Variants in SLC39A10 observed in about 807,000 individuals in gnomAD.
SLC39A10 encodes solute carrier family 39 member 10, also known as zinc transporter ZIP10.
In SLC39A10, 13 loss-of-function variants were observed where a neutral mutation model predicts 65.1. That is an observed-to-expected ratio of 0.20 (90% confidence interval 0.13 to 0.32). SLC39A10 has a LOEUF of 0.32. SLC39A10 is among the 10% of genes least tolerant of loss of function. The pLI is 1.00. For synonymous variants in SLC39A10, 321 were observed against 342.2 expected (o/e 0.94, Z 0.68); for missense variants, 831 against 1,018.4 (o/e 0.82, Z 2.50).
At chr2:195,697,967 G>C (rs968848929) in intron 3 of SLC39A10, among the ~76,000 whole-genome samples, 1 of 152,026 alleles carries the variant, frequency 6.6e-6, no homozygotes, top group Non-Finnish European at 1.5e-5. Flanking sequence ...TATTCTTTTT[G>C]ATGCTATTGT....
At chr2:195,699,019 T>G (rs770502092) in intron 3 of SLC39A10, among the ~76,000 whole-genome samples, 25 of 152,072 alleles carry the variant, frequency 1.6e-4, no homozygotes, top group Admixed American at 1.6e-3. Flanking sequence ...CATGATTTAG[T>G]CTTGGTAGGT....
At chr2:195,654,509 T>G (rs1323094717), upstream of SLC39A10, among the ~76,000 whole-genome samples, 1 of 152,212 alleles carries the variant, frequency 6.6e-6, no homozygotes, top group Non-Finnish European at 1.5e-5. Context: ...ATTTTAGATA[T>G]GTGAACTAAT....
chr2:195,712,308 C>T (rs537997730), intron 5 of SLC39A10, among the ~76,000 whole-genome samples: 5 of 152,288 alleles, frequency 3.3e-5, no homozygotes, highest in Admixed American at 3.3e-4. Context: ...TTCTATTGAT[C>T]AAAACAAGTC....
chr2:195,624,798 G>T (rs569097309), intron 2 of SLC39A10, among the ~76,000 whole-genome samples: 81 of 144,624 alleles, frequency 5.6e-4, no homozygotes, highest in Non-Finnish European at 7.4e-5. Flanking sequence ...AGAATCACTT[G>T]AACCCAGAAG....
At position 195,680,851 on chromosome 2, in the gene SLC39A10, A is replaced by T. The variant is rs1690279125; in HGVS notation, c.809A>T (p.Asp270Val). 1.2e-6 allele frequency: 2 copies of T among 1,614,184 alleles called. No homozygotes were observed. Among genetic ancestry groups the T allele is most frequent in the Non-Finnish European group, 1.7e-6 (2 of 1,180,034 alleles). The change falls in exon 2 of 10, where the codon GAT becomes GTT. Residue 270 changes from aspartate to valine, a missense_variant. By Grantham distance (152) the Asp-to-Val change is radical. This residue lies in a region of SLC39A10 where 446 missense variants were observed against 499.2 expected (regional missense o/e 0.89). Coordinates refer to ENST00000359634, the MANE Select transcript of SLC39A10 (RefSeq NM_020342.3). The part of the protein sequence containing the change: ...QYEHNRVHKP[D>V]RVHNPGHSHV... ...GAGCATAATCGGGTCCACAAACCTG[A>T]TCGTGTACATAACCCAGGTCATTCT...
intron 7 of SLC39A10, 50 bp downstream of exon 7, chr2:195,717,055 T>C: frequency 6.4e-7 from 1 of 1,556,930 alleles, no homozygotes; most frequent in South Asian, 1.2e-5. Flanking sequence ...GACTATAATA[T>C]GTATGATTAA....
chr2:195,659,223 C>G (rs1324445238), intron 1 of SLC39A10, among the ~76,000 whole-genome samples: 1 of 152,152 alleles, frequency 6.6e-6, no homozygotes, highest in East Asian at 1.9e-4. Flanking sequence ...GCAAGAATGA[C>G]TTTGGTGCTA....
intron 2 of SLC39A10, among the ~76,000 whole-genome samples, chr2:195,627,226 A>T (rs985865815): frequency 9.9e-5 from 15 of 152,158 alleles, no homozygotes; most frequent in Non-Finnish European, 2.2e-4. Context: ...AAACATTTTG[A>T]AACAGTAGTT....
At chr2:195,668,675 G>A (rs1689730282) in intron 1 of SLC39A10, among the ~76,000 whole-genome samples, 1 of 152,216 alleles carries the variant, frequency 6.6e-6, no homozygotes, top group African/African-American at 2.4e-5. Context: ...ACTCCCTAGA[G>A]TAAAAAGAGG....
At chr2:195,706,895 T>C in intron 4 of SLC39A10, 110 bp downstream of exon 4, 1 of 721,062 alleles carries the variant, frequency 1.4e-6, no homozygotes. Flanking sequence ...TATTGTTTTA[T>C]TTGCTTATAG....
intron 8 of SLC39A10, among the ~76,000 whole-genome samples, chr2:195,725,339 T>C (rs1692197041): frequency 6.6e-6 from 1 of 152,070 alleles, no homozygotes. Flanking sequence ...AGCCACAAAC[T>C]GGGACAAAAT....
chr2:195,725,080 T>TA (rs201685220), intron 8 of SLC39A10, among the ~76,000 whole-genome samples: 2,746 of 149,968 alleles, frequency 0.018, 79 homozygotes, highest in African/African-American at 0.064. Context: ...TACATGCAAT[T>TA]AAAAAAAAAG....
intron 3 of SLC39A10, among the ~76,000 whole-genome samples, chr2:195,698,499 C>A (rs1691059797): frequency 6.6e-6 from 1 of 151,750 alleles, no homozygotes; most frequent in Admixed American, 6.6e-5. Flanking sequence ...TCTGTCTGTT[C>A]CTAGTTTGTT....
chr2:195,694,704 C>T (rs188260196), intron 3 of SLC39A10, among the ~76,000 whole-genome samples: 106 of 152,244 alleles, frequency 7.0e-4, no homozygotes, highest in Non-Finnish European at 1.1e-3. Context: ...TTTTGTTTGG[C>T]GCTCTGGTTT....
chr2:195,718,241 A>G lies in SLC39A10; in HGVS notation c.2066-11A>G, dbSNP rs375462139. On this transcript the variant is annotated splice_polypyrimidine_tract_variant and intron_variant, in intron 7 of 9. Transcript: ENST00000359634. ...GCAAACCTCACTTGTTTTTTTTCTT[A>G]TCTTCCTCAGGTGCAGCTTTCAGTG... is the stretch of plus-strand genomic sequence containing the variant. 66 of 1,599,848 alleles carry G rather than the reference A, an allele frequency of 4.1e-5. No individual in the cohort carries two copies. The African/African-American group carries it at 7.9e-4, about 19-fold the overall frequency.
At chr2:195,633,813 T>C (rs1258490619) in intron 2 of SLC39A10, among the ~76,000 whole-genome samples, 2 of 152,006 alleles carry the variant, frequency 1.3e-5, no homozygotes, top group Non-Finnish European at 2.9e-5. Context: ...CTCCTCTTGA[T>C]GTTTAGCTGC....
chr2:195,704,235 A>G (rs1691308441), intron 3 of SLC39A10, among the ~76,000 whole-genome samples: 1 of 152,170 alleles, frequency 6.6e-6, no homozygotes, highest in African/African-American at 2.4e-5. Flanking sequence ...CAAGTTCTTA[A>G]TTGAAGTTGC....
intron 9 of SLC39A10, among the ~76,000 whole-genome samples, chr2:195,734,630 A>G (rs1692529211): frequency 6.6e-6 from 1 of 152,138 alleles, no homozygotes. Context: ...AAAATGACTA[A>G]TGTGCATATT....
chr2:195,735,112 TGC>T lies in SLC39A10; in HGVS notation c.*72_*73del. ...CTTTGCATCTGTTCCTTGTACTGTA[TGC>T]ACATTGCTCAAAGGAAAGTCAGTGG... On this transcript the variant is annotated 3_prime_UTR_variant, in exon 10 of 10. Transcript: ENST00000359634. 1 of 1,460,228 alleles carries T rather than the reference TGC, an allele frequency of 6.8e-7. No homozygotes were observed. The highest frequency in any genetic ancestry group is 1.5e-5 in the African/African-American group (1 of 65,030). The allele number at this position is 1,460,228 out of a possible 1,614,324, so 90.5% of individuals were successfully genotyped here. A position where few individuals can be genotyped will look rare whatever the true frequency, so the allele number is the denominator to read the frequency against.
Sources: allele counts gnomAD v4.1 joint callset (sites outside exome capture counted in the v4.1 genomes callset), GRCh38; gene constraint gnomAD v4.1.1; regional missense constraint gnomAD v4.1.1; transcripts MANE v1.5; gene names NCBI Gene and HGNC (gene_info 2026-07-23, HGNC 2026-07-21).